Variants in RWDD2B observed in about 807,000 individuals in gnomAD.
The protein encoded by RWDD2B is RWD domain-containing protein 2B.
Under a neutral mutation model 33.6 loss-of-function variants are expected in RWDD2B, and 36 were observed. That is an observed-to-expected ratio of 1.07 (90% CI 0.82 to 1.42). RWDD2B has a LOEUF of 1.42. Ranked by LOEUF, RWDD2B falls within the 40% of genes most tolerant of loss-of-function variation. The pLI is 0.00. For missense variants in RWDD2B, 364 were observed against 377.5 expected (o/e 0.96, Z 0.30); for synonymous variants, 126 against 133.1 (o/e 0.95, Z 0.37).
chr21:29,008,576 G>C lies in RWDD2B; in HGVS notation c.113C>G (p.Ala38Gly). 1 of 1,613,918 alleles carries C rather than the reference G, an allele frequency of 6.2e-7. No individual in the cohort carries two copies. The highest frequency in any genetic ancestry group is 1.1e-5 in the South Asian group (1 of 91,080). ...TAGCAGGTCTAACTCAGCAAGCTGG[G>C]CCTCCGCCTGCTCCATCTCAATCAT... ...PKMIEMEQAEAQLAELDLLAS... is the reference protein window; with the variant it reads ...PKMIEMEQAEGQLAELDLLAS... Residue 38 changes from alanine (A) to glycine (G), a missense_variant, in exon 2 of 5, where the codon GCC (alanine) becomes GGC (glycine). Ala to Gly is a moderately conservative substitution (Grantham distance 60). Transcript: ENST00000493196.
At chr21:29,017,080 C>T (rs939516810) in intron 1 of RWDD2B, among the ~76,000 whole-genome samples, 3 of 151,170 alleles carry the variant, frequency 2.0e-5, no homozygotes, top group African/African-American at 7.3e-5. Flanking sequence ...ACCACGTTGG[C>T]CAGGCTGGTC....
Position 29,019,341 on chromosome 21 carries a change from G to T in RWDD2B, c.-64C>A. ...AAACTTACAAACCGCCTCAGCTGGC[G>T]ACCTACCGGAAAAAAAAAAAAAAAG... On this transcript the variant is annotated 5_prime_UTR_variant, in exon 1 of 5. Transcript: ENST00000493196. 1.7e-6 allele frequency: 2 copies of T among 1,200,270 alleles called. No homozygotes were observed. Among genetic ancestry groups the T allele is most frequent in the South Asian group, 1.3e-5 (1 of 74,806 alleles). 74.4% of individuals were successfully genotyped at this position (1,200,270 alleles called of 1,614,324 possible).
At chr21:29,010,698 C>T (rs1322568358) in intron 1 of RWDD2B, among the ~76,000 whole-genome samples, 6 of 151,662 alleles carry the variant, frequency 4.0e-5, no homozygotes, top group Admixed American at 6.6e-5. Flanking sequence ...TCTCTTTCCA[C>T]GGTCTCCCTC....
chr21:29,009,392 GTTTT>G (rs11317441), intron 1 of RWDD2B, among the ~76,000 whole-genome samples: 1 of 116,138 alleles, frequency 8.6e-6, no homozygotes, highest in African/African-American at 3.1e-5. Context: ...GCATTTATTA[GTTTT>G]TTTTTTTTTT....
At chr21:29,013,029 A>G (rs80134353) in intron 1 of RWDD2B, among the ~76,000 whole-genome samples, 1,614 of 151,300 alleles carry the variant, frequency 0.011, 26 homozygotes, top group African/African-American at 0.037. Context: ...TCTGTCTATA[A>G]TATCATGTCC....
chr21:29,018,426 T>C (rs2084900235), intron 1 of RWDD2B, among the ~76,000 whole-genome samples: 1 of 152,220 alleles, frequency 6.6e-6, no homozygotes, highest in Non-Finnish European at 1.5e-5. Context: ...TATATAATCT[T>C]GGGAGTCAAC....
chr21:29,010,416 G>A (rs2084850391), intron 1 of RWDD2B, among the ~76,000 whole-genome samples: 2 of 113,304 alleles, frequency 1.8e-5, no homozygotes, highest in African/African-American at 3.4e-5. Context: ...AGATCAGCCT[G>A]GGTAACATAA....
chr21:29,006,762 T>C (rs2084831020), intron 4 of RWDD2B, 111 bp from the exon 5 acceptor site: 1 of 662,004 alleles, frequency 1.5e-6, no homozygotes, highest in South Asian at 2.0e-5. Flanking sequence ...TAGTCTACTT[T>C]TTAAAATGTT....
At chr21:29,014,682 G>A (rs1323231161) in intron 1 of RWDD2B, among the ~76,000 whole-genome samples, 1 of 152,086 alleles carries the variant, frequency 6.6e-6, no homozygotes, top group African/African-American at 2.4e-5. Flanking sequence ...TTAGCCGGGC[G>A]TGGTGGCGGG....
chr21:29,012,463 G>C (rs2084869161), intron 1 of RWDD2B, among the ~76,000 whole-genome samples: 1 of 152,050 alleles, frequency 6.6e-6, no homozygotes. Flanking sequence ...CTGTAGATCT[G>C]TGACCTTACC....
chr21:29,009,063 TTTC>T (rs1194864945), intron 1 of RWDD2B, among the ~76,000 whole-genome samples: 1 of 152,184 alleles, frequency 6.6e-6, no homozygotes, highest in Non-Finnish European at 1.5e-5. Context: ...GGATGGTCAA[TTTC>T]TTCTTTTTAA....
At chr21:29,017,377 T>A (rs950666920) in intron 1 of RWDD2B, among the ~76,000 whole-genome samples, 12 of 151,720 alleles carry the variant, frequency 7.9e-5, no homozygotes, top group African/African-American at 2.7e-4. Flanking sequence ...TTTGGGAGGA[T>A]GAGGTGGGCG....
intron 1 of RWDD2B, among the ~76,000 whole-genome samples, chr21:29,019,009 GC>G (rs2084902794): frequency 6.6e-6 from 1 of 152,088 alleles, no homozygotes; most frequent in Non-Finnish European, 1.5e-5. Context: ...CACCCTGATT[GC>G]CCCCGGGGCG....
Position 29,004,610 on chromosome 21 carries a change from C to T in RWDD2B, c.*1807G>A, listed in dbSNP as rs950422439. 6.6e-6 allele frequency: 1 copy of T among 152,224 alleles called. No individual in the cohort carries two copies. Among genetic ancestry groups the T allele is most frequent in the African/African-American group, 2.4e-5 (1 of 41,446 alleles). 9.4% of individuals were successfully genotyped at this position (152,224 alleles called of 1,614,324 possible). On this transcript the variant is annotated 3_prime_UTR_variant, in exon 5 of 5. Coordinates refer to ENST00000493196, the MANE Select transcript of RWDD2B (RefSeq NM_016940.3). The stretch of plus-strand genomic sequence containing the variant: ...TGTTAGTCGCTGGAGGAATCAGAAA[C>T]TAGACACACAACTGGTCCACCTGGC...
At chr21:29,012,270 T>TGTACCCAACAGCTCACTGAGAACGG in intron 1 of RWDD2B, among the ~76,000 whole-genome samples, 1 of 150,814 alleles carries the variant, frequency 6.6e-6, no homozygotes, top group Admixed American at 6.6e-5. Context: ...GTCTGGGTGG[T>TGTACCCAACAGCTCACTGAGAACGG]GTACCCAACA....
chr21:29,014,862 T>A (rs1281710564), intron 1 of RWDD2B, among the ~76,000 whole-genome samples: 1 of 151,990 alleles, frequency 6.6e-6, no homozygotes, highest in African/African-American at 2.4e-5. Flanking sequence ...ATAAAATAGG[T>A]CTAAATTATA....
Position 29,007,913 on chromosome 21 carries a change from C to T in RWDD2B, c.573G>A (p.Trp191Ter). The T allele has an allele frequency of 2.5e-6, 4 of 1,614,206 alleles. No individual in the cohort carries two copies. The highest frequency in any genetic ancestry group is 3.4e-6 in the Non-Finnish European group (4 of 1,180,044). Residue 191 changes from tryptophan (W) to a stop codon, truncating the protein, a stop_gained, in exon 4 of 5, where the codon TGG becomes TGA. Transcript: ENST00000493196. LOFTEE classifies it high-confidence loss of function. ...QSVDLIFTRL[W>*]IYSHHIYNKC... ...TGTTATAGATATGATGGCTGTAGAT[C>T]CAGAGTCTCGTGAAGATGAGGTCAA... is the stretch of plus-strand genomic sequence containing the variant.
chr21:29,008,116 A>G lies in RWDD2B; in HGVS notation c.370T>C (p.Leu124=), dbSNP rs1449796302. 1.2e-6 allele frequency: 2 copies of G among 1,612,564 alleles called. No homozygotes were observed. Among genetic ancestry groups the G allele is most frequent in the Non-Finnish European group, 1.7e-6 (2 of 1,179,248 alleles). Residue 124 remains leucine (L), a synonymous_variant, in exon 4 of 5, where the codon TTA becomes CTA. Coordinates refer to ENST00000493196, the MANE Select transcript of RWDD2B (RefSeq NM_016940.3). The part of the protein sequence containing the change: ...VLPEITVRSV[L]LSRSQQTQLN... ...TGAGTCTGCTGGGATCTACTCAATAATACTGATCTAATAGAAAAGATACAA... is the reference window on the plus strand; with the variant it reads ...TGAGTCTGCTGGGATCTACTCAATAGTACTGATCTAATAGAAAAGATACAA...
chr21:29,012,634 G>A (rs2084870040), intron 1 of RWDD2B, among the ~76,000 whole-genome samples: 1 of 151,710 alleles, frequency 6.6e-6, no homozygotes, highest in Non-Finnish European at 1.5e-5. Context: ...CACAAACACT[G>A]CGGAAGGCCG....
Sources: gnomAD v4.1 joint callset for allele counts (sites outside exome capture counted in the v4.1 genomes callset) on GRCh38, gnomAD v4.1.1 for gene constraint, MANE v1.5 for transcripts, NCBI Gene and HGNC (gene_info 2026-07-23, HGNC 2026-07-21) for gene names.